FRMPD4: variants seen among roughly 807,000 people sequenced by gnomAD.
FRMPD4 encodes FERM and PDZ domain-containing protein 4.
In FRMPD4, 22 loss-of-function variants were observed where a neutral mutation model predicts 94.1. The ratio of observed to expected loss-of-function variants is 0.23; its 90% CI spans 0.17 to 0.33. The LOEUF (loss-of-function observed/expected upper bound fraction) is 0.33. FRMPD4 is among the 10% of genes least tolerant of loss of function. The probability of loss-of-function intolerance (pLI) is 1.00; values close to 1 mark genes in which losing one functional copy is unlikely to be tolerated. For missense variants in FRMPD4, 1,111 were observed against 1,339.9 expected (o/e 0.83, Z 2.67); for synonymous variants, 631 against 548.6 (o/e 1.15, Z -2.10).
intron 2 of FRMPD4, among the ~76,000 whole-genome samples, chrX:12,580,162 A>G (rs1370521296): frequency 8.9e-6 from 1 of 112,375 alleles, no homozygotes; most frequent in Non-Finnish European, 1.9e-5. Flanking sequence ...TAAGTTTACC[A>G]GTTTTTGTGG....
At chrX:12,509,032 TG>T (rs1310995362) in intron 2 of FRMPD4, among the ~76,000 whole-genome samples, 3 of 101,730 alleles carry the variant, frequency 2.9e-5, no homozygotes, top group South Asian at 4.6e-4. Flanking sequence ...AGGCATTTAG[TG>T]GGATACACCT....
chrX:12,615,526 T>C (rs376496158), intron 4 of FRMPD4, among the ~76,000 whole-genome samples: 6 of 112,022 alleles, frequency 5.4e-5, no homozygotes, highest in African/African-American at 1.9e-4. Context: ...CCACTGGAGT[T>C]ATACCTCCTT....
chrX:12,518,667 C>G lies in FRMPD4; in HGVS notation c.158+19871C>G, dbSNP rs1006168909. Among the ~76,000 whole-genome samples the G allele has an allele frequency of 9.9e-5, 11 of 111,512 alleles. No individual in the cohort carries two copies. The East Asian group carries it at 3.1e-3, about 31-fold the overall frequency. The stretch of plus-strand genomic sequence containing the variant: ...AGGATTAGGAAGGTGGCAAGGACAC[C>G]CACTTTCACCACTTCTATTCAATGT... On this transcript the variant is annotated intron_variant, in intron 2 of 16. Coordinates refer to ENST00000675598, the MANE Select transcript of FRMPD4 (RefSeq NM_001368397.1).
intron 1 of FRMPD4, among the ~76,000 whole-genome samples, chrX:12,309,227 C>T (rs190551493): frequency 8.9e-6 from 1 of 111,884 alleles, no homozygotes; most frequent in African/African-American, 3.2e-5. Context: ...ACCCTTGCTC[C>T]AGAGGCCCTT....
intron 3 of FRMPD4, among the ~76,000 whole-genome samples, chrX:11,980,044 C>T (rs1212689203): frequency 1.8e-5 from 2 of 111,579 alleles, no homozygotes; most frequent in African/African-American, 6.5e-5. Flanking sequence ...TGTGTATGCA[C>T]ATGTGTATGT....
At chrX:12,481,669 C>T (rs190847328) in intron 1 of FRMPD4, among the ~76,000 whole-genome samples, 16 of 109,325 alleles carry the variant, frequency 1.5e-4, no homozygotes, top group Admixed American at 2.9e-4. Context: ...GGGCCCGGCG[C>T]GGTGGCTAAT....
intron 2 of FRMPD4, among the ~76,000 whole-genome samples, chrX:12,549,777 GA>G (rs2058514980): frequency 8.9e-6 from 1 of 112,387 alleles, no homozygotes; most frequent in African/African-American, 3.2e-5. Flanking sequence ...TTCTTCCAAG[GA>G]AGAGAAGTTT....
At chrX:11,944,391 A>G (rs1359466690) in intron 3 of FRMPD4, among the ~76,000 whole-genome samples, 1 of 111,940 alleles carries the variant, frequency 8.9e-6, no homozygotes, top group Non-Finnish European at 1.9e-5. Context: ...TTTTACACCC[A>G]CTAATTTGCA....
At chrX:12,055,252 C>G (rs146131317) in intron 3 of FRMPD4, among the ~76,000 whole-genome samples, 3 of 111,801 alleles carry the variant, frequency 2.7e-5, no homozygotes, top group African/African-American at 9.8e-5. Context: ...TGAGTTGATA[C>G]GATTTGGATG....
rs753841242 is a variant in FRMPD4 at position 12,408,790 on chromosome X, G to A, written c.42-89890G>A. 8.9e-5 allele frequency among the ~76,000 whole-genome samples: 10 copies of A among 112,106 alleles called. No individual in the cohort carries two copies. In the South Asian group the frequency reaches 3.7e-3, roughly 42 times the overall value. ...AACAATTCAAGGAACAGATGTATCA[G>A]CAAGGACAAGAACAAGGGCAGTTTG... On this transcript the variant is annotated intron_variant, in intron 1 of 16. Transcript: ENST00000675598.
intron 3 of FRMPD4, among the ~76,000 whole-genome samples, chrX:12,130,227 G>A (rs192646228): frequency 1.8e-5 from 2 of 111,506 alleles, no homozygotes; most frequent in Admixed American, 9.5e-5. Flanking sequence ...TCTATGACTT[G>A]ACAATATCTT....
At chrX:12,030,771 G>A (rs2054687087) in intron 3 of FRMPD4, among the ~76,000 whole-genome samples, 1 of 111,803 alleles carries the variant, frequency 8.9e-6, no homozygotes, top group Non-Finnish European at 1.9e-5. Context: ...CAGAATATTA[G>A]CTAAAACAAA....
At chrX:12,355,725 T>C (rs2055885372) in intron 1 of FRMPD4, among the ~76,000 whole-genome samples, 1 of 111,936 alleles carries the variant, frequency 8.9e-6, no homozygotes, top group Non-Finnish European at 1.9e-5. Context: ...TTTTTTTCTA[T>C]GAGGGAGGAA....
At chrX:12,232,468 G>A (rs1281710320) in intron 1 of FRMPD4, among the ~76,000 whole-genome samples, 5 of 110,726 alleles carry the variant, frequency 4.5e-5, no homozygotes, top group African/African-American at 6.6e-5. Flanking sequence ...CAGCATGGGG[G>A]AAGCTGCCCC....
chrX:12,375,914 T>C (rs2056231039), intron 1 of FRMPD4, among the ~76,000 whole-genome samples: 1 of 112,445 alleles, frequency 8.9e-6, no homozygotes, highest in Non-Finnish European at 1.9e-5. Flanking sequence ...GAGCTATTTC[T>C]GATGGGTCTG....
chrX:12,667,812 A>T (rs932003336), intron 4 of FRMPD4, among the ~76,000 whole-genome samples: 4 of 112,400 alleles, frequency 3.6e-5, no homozygotes, highest in African/African-American at 1.3e-4. Context: ...CAAAGAAATG[A>T]AGAGAGAGGA....
At chrX:12,224,207 AG>A (rs1157491621) in intron 1 of FRMPD4, among the ~76,000 whole-genome samples, 1 of 111,729 alleles carries the variant, frequency 9.0e-6, no homozygotes, top group Non-Finnish European at 1.9e-5. Flanking sequence ...GTGTAGTAAG[AG>A]TAGAAATTAA....
At chrX:12,291,820 T>C (rs1198793241) in intron 1 of FRMPD4, among the ~76,000 whole-genome samples, 1 of 111,793 alleles carries the variant, frequency 8.9e-6, no homozygotes, top group Non-Finnish European at 1.9e-5. Context: ...TCCTTTCTGC[T>C]GGGGGTTGTT....
intron 1 of FRMPD4, among the ~76,000 whole-genome samples, chrX:12,305,225 A>C (rs1434123399): frequency 8.9e-6 from 1 of 112,057 alleles, no homozygotes; most frequent in Non-Finnish European, 1.9e-5. Context: ...CCTGCTGCCC[A>C]GGTTTCCACA....
Sources: gnomAD v4.1 joint callset for allele counts (sites outside exome capture counted in the v4.1 genomes callset) on GRCh38, gnomAD v4.1.1 for gene constraint, MANE v1.5 for transcripts, NCBI Gene and HGNC (gene_info 2026-07-23, HGNC 2026-07-21) for gene names.